The following NPHS2 variants were observed in gnomAD, a reference collection of about 807,000 sequenced individuals.
The protein encoded by NPHS2 is podocin.
A neutral mutation model predicts 37.1 loss-of-function variants in NPHS2; 36 were observed. That is an observed-to-expected ratio of 0.97 (90% confidence interval 0.74 to 1.28). The LOEUF is 1.28. Among genes scored for constraint, NPHS2 ranks in the 50% most tolerant of loss-of-function variants. The pLI is 0.00. For missense variants in NPHS2, 447 were observed against 488.1 expected (o/e 0.92, Z 0.79); for synonymous variants, 196 against 189.3 (o/e 1.04, Z -0.29).
intron 4 of NPHS2, 52 bp from the exon 5 acceptor site, chr1:179,557,282 A>T (rs1446016323): frequency 6.9e-7 from 1 of 1,453,074 alleles, no homozygotes; most frequent in African/African-American, 1.4e-5. Context: ...CTCCTTTCCT[A>T]TGTGGGGTTA....
chr1:179,574,062 C>T (rs1436656638), intron 1 of NPHS2, among the ~76,000 whole-genome samples: 1 of 152,222 alleles, frequency 6.6e-6, no homozygotes, highest in East Asian at 1.9e-4. Flanking sequence ...CTCTGTTCCC[C>T]GTGAGCTTCA....
chr1:179,569,668 A>G (rs539607730), intron 1 of NPHS2, among the ~76,000 whole-genome samples: 1 of 152,178 alleles, frequency 6.6e-6, no homozygotes, highest in Non-Finnish European at 1.5e-5. Flanking sequence ...ATGTTTTTGC[A>G]GTGGCTGGTA....
At position 179,551,433 on chromosome 1, in the gene NPHS2, C is replaced by G; in HGVS notation, c.892G>C (p.Glu298Gln). The change falls in exon 8 of 8, where the codon GAA becomes CAA. Residue 298 changes from glutamate to glutamine, a missense_variant. Transcript: ENST00000367615. The stretch of plus-strand genomic sequence containing the variant: ...CTCAGGGACTCAGAAGCAGCCTTTT[C>G]CGCTTCTGCAGCAATCATCTAGAAA... ...AKVRMIAAEA[E>Q]KAASESLRMA... 1 of 1,613,574 alleles carries G rather than the reference C, an allele frequency of 6.2e-7. No individual in the cohort carries two copies. The highest frequency in any genetic ancestry group is 8.5e-7 in the Non-Finnish European group (1 of 1,180,016).
intron 1 of NPHS2, 142 bp downstream of exon 1, chr1:179,575,449 C>T (rs1038254972): frequency 6.2e-6 from 7 of 1,128,762 alleles, no homozygotes; most frequent in Admixed American, 2.0e-5. Flanking sequence ...TCCTAACTTA[C>T]GCCCTTCCGT....
At chr1:179,574,488 G>A (rs905915813) in intron 1 of NPHS2, among the ~76,000 whole-genome samples, 1 of 152,164 alleles carries the variant, frequency 6.6e-6, no homozygotes, top group African/African-American at 2.4e-5. Flanking sequence ...CTGCCTCACA[G>A]TTACAAGCCC....
chr1:179,566,138 G>A lies in NPHS2; in HGVS notation c.275-1345C>T, dbSNP rs191744809. On this transcript the variant is annotated intron_variant, in intron 1 of 7. Transcript: ENST00000367615. ...TCTAGTTCTAGATCCTTGAGGAATT[G>A]CCACACTGTCTTCCACAATGGTTGA... Among the ~76,000 whole-genome samples the A allele has an allele frequency of 3.1e-3, 476 of 152,362 alleles. 1 individual carries two copies. Among genetic ancestry groups the A allele is most frequent in the Non-Finnish European group, 5.9e-3 (402 of 68,038 alleles).
chr1:179,562,027 G>A (rs990395953), intron 2 of NPHS2, among the ~76,000 whole-genome samples: 7 of 152,130 alleles, frequency 4.6e-5, no homozygotes, highest in African/African-American at 1.2e-4. Context: ...GGCTGGTCTC[G>A]AACTCCTGAC....
At chr1:179,554,712 C>T (rs1483990114) in intron 5 of NPHS2, 181 bp from the exon 6 acceptor site, 2 of 752,452 alleles carry the variant, frequency 2.7e-6, no homozygotes, top group African/African-American at 3.5e-5. Flanking sequence ...ATGGTGCCAC[C>T]CAATAAATAT....
chr1:179,560,899 T>C (rs1340182980), intron 3 of NPHS2, among the ~76,000 whole-genome samples: 5 of 152,266 alleles, frequency 3.3e-5, no homozygotes, highest in African/African-American at 1.2e-4. Context: ...ATTTGAATGC[T>C]GAACTTTGCC....
intron 1 of NPHS2, among the ~76,000 whole-genome samples, chr1:179,569,734 C>T (rs1243140664): frequency 1.3e-5 from 2 of 152,040 alleles, no homozygotes; most frequent in South Asian, 2.1e-4. Flanking sequence ...TAAGGCAGGC[C>T]TGGTGGTGAT....
intron 1 of NPHS2, among the ~76,000 whole-genome samples, chr1:179,565,066 T>G (rs1674283545): frequency 6.6e-6 from 1 of 150,422 alleles, no homozygotes; most frequent in East Asian, 2.0e-4. Context: ...AGTCCAGGAG[T>G]TCAAGATCAG....
intron 1 of NPHS2, among the ~76,000 whole-genome samples, chr1:179,573,480 A>C (rs537066240): frequency 2.6e-5 from 4 of 152,224 alleles, no homozygotes; most frequent in Non-Finnish European, 5.9e-5. Flanking sequence ...AAGCATTCTT[A>C]GCTTTGTTTA....
At chr1:179,565,722 G>C (rs1200144132) in intron 1 of NPHS2, among the ~76,000 whole-genome samples, 7 of 142,944 alleles carry the variant, frequency 4.9e-5, no homozygotes, top group South Asian at 2.2e-4. Context: ...CCCTCCCCCA[G>C]CTCCCCACCC....
chr1:179,570,027 T>C (rs974755557), intron 1 of NPHS2, among the ~76,000 whole-genome samples: 2 of 152,132 alleles, frequency 1.3e-5, no homozygotes, highest in African/African-American at 2.4e-5. Flanking sequence ...TGTCTTGGGG[T>C]TGCTTTTCTC....
intron 6 of NPHS2, among the ~76,000 whole-genome samples, chr1:179,553,859 C>CCTCA (rs1673673422): frequency 6.6e-6 from 1 of 152,082 alleles, no homozygotes; most frequent in South Asian, 2.1e-4. Flanking sequence ...GATTCTCCTG[C>CCTCA]CTCAGCCTCC....
intron 1 of NPHS2, among the ~76,000 whole-genome samples, chr1:179,568,516 A>AT (rs1178919286): frequency 2.0e-5 from 3 of 152,030 alleles, no homozygotes; most frequent in Admixed American, 6.6e-5. Flanking sequence ...GGATTCATTG[A>AT]TTTTTTAAAG....
chr1:179,551,641 T>G (rs1236760245), intron 7 of NPHS2, 190 bp from the exon 8 acceptor site: 3 of 642,514 alleles, frequency 4.7e-6, no homozygotes, highest in Non-Finnish European at 8.1e-6. Context: ...TTAATCACAA[T>G]TTAAGGTGGA....
At chr1:179,566,631 T>A (rs975275271) in intron 1 of NPHS2, among the ~76,000 whole-genome samples, 4 of 152,238 alleles carry the variant, frequency 2.6e-5, no homozygotes, top group African/African-American at 9.6e-5. Flanking sequence ...AGTCATGAAG[T>A]CCTTGTCCAT....
intron 2 of NPHS2, 50 bp downstream of exon 2, chr1:179,564,640 C>T: frequency 3.5e-6 from 5 of 1,438,798 alleles, no homozygotes; most frequent in Non-Finnish European, 4.9e-6. Context: ...CATGGTGTGG[C>T]CAGTGAGAGG....
Sources: gnomAD v4.1 joint callset for allele counts (sites outside exome capture counted in the v4.1 genomes callset) on GRCh38, gnomAD v4.1.1 for gene constraint, MANE v1.5 for transcripts, NCBI Gene and HGNC (gene_info 2026-07-23, HGNC 2026-07-21) for gene names.